SLC8A1: variants seen among roughly 807,000 people sequenced by gnomAD.
The protein encoded by SLC8A1 is sodium/calcium exchanger 1.
Under a neutral mutation model 68.3 loss-of-function variants are expected in SLC8A1, and 18 were observed. That is an observed-to-expected ratio of 0.26 (90% CI 0.18 to 0.39). The LOEUF (loss-of-function observed/expected upper bound fraction) is 0.39. SLC8A1 is among the 10% of genes least tolerant of loss of function. The pLI, the probability that SLC8A1 is intolerant of heterozygous loss-of-function variation, is 1.00. For synonymous variants in SLC8A1, 475 were observed against 415.5 expected, an observed-to-expected ratio of 1.14 and a Z score of -1.74; for missense variants, 985 against 1,156.7, an observed-to-expected ratio of 0.85 and a Z score of 2.15.
chr2:40,402,528 G>A (rs1436477756), intron 2 of SLC8A1, among the ~76,000 whole-genome samples: 1 of 152,138 alleles, frequency 6.6e-6, no homozygotes, highest in African/African-American at 2.4e-5. Flanking sequence ...CAAGGTCCAA[G>A]AACCCTCTCT....
intron 1 of SLC8A1, among the ~76,000 whole-genome samples, chr2:40,483,291 A>G (rs953685116): frequency 2.0e-5 from 3 of 151,244 alleles, no homozygotes; most frequent in Non-Finnish European, 3.0e-5. Flanking sequence ...ATATATATAT[A>G]TGATAAATAA....
chr2:40,425,374 T>G (rs1054373217), intron 2 of SLC8A1, among the ~76,000 whole-genome samples: 1 of 151,844 alleles, frequency 6.6e-6, no homozygotes, highest in African/African-American at 2.4e-5. Flanking sequence ...ATCTATCTTG[T>G]TTTTGGAATC....
At chr2:40,484,892 G>A (rs1194951827) in intron 1 of SLC8A1, among the ~76,000 whole-genome samples, 4 of 152,122 alleles carry the variant, frequency 2.6e-5, no homozygotes, top group Non-Finnish European at 4.4e-5. Flanking sequence ...AGGTGGAAGG[G>A]GAAGCCAGAG....
rs191490433 is a variant in SLC8A1 at position 40,417,810 on chromosome 2, G to T, written c.1808+10663C>A. Among the ~76,000 whole-genome samples, 488 of 151,338 alleles carry T rather than the reference G, an allele frequency of 3.2e-3. 16 individuals are homozygous for T. The East Asian group carries it at 0.071, about 22-fold the overall frequency. On this transcript the variant is annotated intron_variant, in intron 2 of 7. Coordinates refer to ENST00000406785, the Ensembl canonical transcript of SLC8A1. ...CACTTTTATTCCATGTTCATGTTTA[G>T]GAAGCAATATGTTTAAAATGAAGAT...
At chr2:40,170,431 ACAT>A in intron 4 of SLC8A1, 82 bp from the exon 7 acceptor site, 1 of 1,175,666 alleles carries the variant, frequency 8.5e-7, no homozygotes, top group Non-Finnish European at 1.3e-6. Context: ...AGTAAGCTAA[ACAT>A]CACACCCAGA....
intron 2 of SLC8A1, among the ~76,000 whole-genome samples, chr2:40,303,181 T>C (rs1221687171): frequency 6.6e-6 from 1 of 152,206 alleles, no homozygotes; most frequent in African/African-American, 2.4e-5. Context: ...GCTATGTTCA[T>C]TCAATTTAAA....
chr2:40,278,078 T>C (rs1367979675), intron 2 of SLC8A1, among the ~76,000 whole-genome samples: 1 of 152,082 alleles, frequency 6.6e-6, no homozygotes, highest in African/African-American at 2.4e-5. Flanking sequence ...TTTGTTTTTA[T>C]AACCTTGTTT....
chr2:40,271,499 C>A (rs530923794), intron 2 of SLC8A1, among the ~76,000 whole-genome samples: 7 of 152,290 alleles, frequency 4.6e-5, no homozygotes, highest in African/African-American at 1.4e-4. Context: ...CTCTCTACCC[C>A]CTCACTGAAC....
chr2:40,174,773 G>A, intron 4 of SLC8A1, 52 bp downstream of exon 5: 2 of 1,588,500 alleles, frequency 1.3e-6, no homozygotes, highest in Middle Eastern at 1.7e-4. Flanking sequence ...AATAACATCT[G>A]GTGAGAACAG....
At chr2:40,274,939 A>G (rs1158167150) in intron 2 of SLC8A1, among the ~76,000 whole-genome samples, 2 of 152,202 alleles carry the variant, frequency 1.3e-5, no homozygotes, top group Non-Finnish European at 2.9e-5. Context: ...ACAAAATTAT[A>G]ATGGCACAGA....
chr2:40,230,976 T>A (rs1450635357), intron 2 of SLC8A1, among the ~76,000 whole-genome samples: 1 of 152,194 alleles, frequency 6.6e-6, no homozygotes, highest in Non-Finnish European at 1.5e-5. Context: ...GTGTCCAGAC[T>A]TTATCATCAA....
At chr2:40,499,972 A>G (rs571697408) in intron 1 of SLC8A1, among the ~76,000 whole-genome samples, 2 of 152,194 alleles carry the variant, frequency 1.3e-5, no homozygotes, top group Non-Finnish European at 2.9e-5. Flanking sequence ...AAGTGGGAAA[A>G]GGCTTCTTTC....
intron 2 of SLC8A1, among the ~76,000 whole-genome samples, chr2:40,399,837 C>A (rs1370632920): frequency 6.6e-6 from 1 of 152,084 alleles, no homozygotes; most frequent in African/African-American, 2.4e-5. Context: ...TTGCCTTATG[C>A]CCAATTCCTG....
intron 2 of SLC8A1, among the ~76,000 whole-genome samples, chr2:40,400,227 G>T (rs1393796567): frequency 1.3e-5 from 2 of 152,126 alleles, no homozygotes; most frequent in Non-Finnish European, 2.9e-5. Flanking sequence ...CTTTAACTTG[G>T]TGTCTGAGGA....
intron 2 of SLC8A1, among the ~76,000 whole-genome samples, chr2:40,213,656 AT>A (rs751759685): frequency 1.3e-5 from 2 of 152,162 alleles, no homozygotes; most frequent in African/African-American, 4.8e-5. Context: ...TCCCAAGGAC[AT>A]TTTTTCCCCC....
chr2:40,311,715 T>C (rs933325859), intron 2 of SLC8A1, among the ~76,000 whole-genome samples: 2 of 152,130 alleles, frequency 1.3e-5, no homozygotes, highest in African/African-American at 4.8e-5. Flanking sequence ...GTTCTCTTTA[T>C]CTTCTATTTT....
intron 1 of SLC8A1, among the ~76,000 whole-genome samples, chr2:40,506,438 T>C (rs1294884919): frequency 6.6e-6 from 1 of 152,014 alleles, no homozygotes; most frequent in Non-Finnish European, 1.5e-5. Flanking sequence ...GACACATTTG[T>C]TGAACATAAG....
intron 2 of SLC8A1, among the ~76,000 whole-genome samples, chr2:40,283,732 T>A (rs2067849495): frequency 6.6e-6 from 1 of 152,172 alleles, no homozygotes; most frequent in Admixed American, 6.5e-5. Flanking sequence ...GCAAAACAAC[T>A]CATTCTCTAG....
At chr2:40,417,659 C>T (rs1029435869) in intron 2 of SLC8A1, among the ~76,000 whole-genome samples, 1 of 152,110 alleles carries the variant, frequency 6.6e-6, no homozygotes, top group Non-Finnish European at 1.5e-5. Flanking sequence ...CAGGCTTAAG[C>T]CACAGGGATA....
Sources: gnomAD v4.1 joint callset for allele counts (sites outside exome capture counted in the v4.1 genomes callset) on GRCh38, gnomAD v4.1.1 for gene constraint, MANE v1.5 for transcripts, NCBI Gene and HGNC (gene_info 2026-07-23, HGNC 2026-07-21) for gene names.